Variants in APC2 observed in about 807,000 individuals in gnomAD.
APC2 encodes the protein adenomatous polyposis coli protein 2.
In APC2, 41 loss-of-function variants were observed where a neutral mutation model predicts 72.5. The observed-to-expected ratio is 0.57, with a 90% confidence interval of 0.44 to 0.73. APC2 has a LOEUF of 0.73. Ranked by LOEUF, APC2 falls within the 30% of genes least tolerant of loss-of-function variation. The pLI, the probability that APC2 is intolerant of heterozygous loss-of-function variation, is 0.00. For missense variants in APC2, 3,729 were observed against 3,403.4 expected (o/e 1.10, Z -2.38); for synonymous variants, 1,898 against 1,612.0 (o/e 1.18, Z -4.25).
At position 1,467,397 on chromosome 19, in the gene APC2, C is replaced by T. The variant is rs1361316073; in HGVS notation, c.4096C>T (p.Arg1366Cys). 6.7e-7 allele frequency: 1 copy of T among 1,488,168 alleles called. No homozygotes were observed. Among genetic ancestry groups the T allele is most frequent in the Admixed American group, 2.2e-5 (1 of 46,044 alleles). 92.2% of individuals were successfully genotyped at this position (1,488,168 alleles called of 1,614,324 possible). Residue 1366 changes from arginine to cysteine, a missense_variant, in exon 15 of 15, where the codon CGC becomes TGC. Arg to Cys is a radical substitution (Grantham distance 180). Transcript: ENST00000590469. ...GGTGGCCTCCGCGCTGGTGCCAGGT[C>T]GCCGCGCACTCCCCGTGCCCGTCTA... ...RKVASALVPG[R>C]RALPVPVYML...
rs2145236458 is a variant in APC2, at chr19:1,466,342, A to G, written c.3041A>G (p.Glu1014Gly). The change falls in exon 15 of 15, where the codon GAG becomes GGG. Residue 1014 changes from glutamate to glycine, a missense_variant. By Grantham distance (98) the Glu-to-Gly change is moderately conservative. Transcript: ENST00000590469. Reference sequence around the variant, plus strand: ...GAGGGTGCCTCAAGGGCGGGTGCAGAGCCCCTCGCGGGGCCTGGAATCTCT... The same window carrying G: ...GAGGGTGCCTCAAGGGCGGGTGCAGGGCCCCTCGCGGGGCCTGGAATCTCT... ...LLEGASRAGA[E>G]PLAGPGISPG... The G allele has an allele frequency of 6.4e-7, 1 of 1,558,926 alleles. No homozygotes were observed. The highest frequency in any genetic ancestry group is 2.3e-5 in the East Asian group (1 of 44,184).
upstream of APC2, among the ~76,000 whole-genome samples, chr19:1,448,032 C>A (rs1447251853): frequency 5.3e-5 from 8 of 152,156 alleles, no homozygotes; most frequent in Admixed American, 1.3e-4. Context: ...AGACTGGAAA[C>A]CGAGGCCAGA....
In APC2 at chr19:1,470,117, C is replaced by A. The variant is rs772580550; in HGVS notation, c.6816C>A (p.Pro2272=). ...GSPSRSARVP[P]FNYVPSPMVV... is the part of the protein sequence containing the mutation. ...CCAGCCGCTCGGCCCGAGTACCCCCCTTCAACTATGTGCCCAGCCCCATGG... is the reference window on the plus strand; with the variant it reads ...CCAGCCGCTCGGCCCGAGTACCCCCATTCAACTATGTGCCCAGCCCCATGG... The change falls in exon 15 of 15, where the codon CCC becomes CCA. Residue 2272 remains proline, a synonymous_variant. Transcript: ENST00000590469. 4 of 1,606,880 alleles carry A rather than the reference C, an allele frequency of 2.5e-6. No individual in the cohort carries two copies. The East Asian group carries it at 8.9e-5, about 36-fold the overall frequency.
chr19:1,450,215 G>GACCCCGGAGCCCGCGCGCTCCGAGGCC lies in APC2; in HGVS notation c.-134_-108dup, dbSNP rs2083727059. On this transcript the variant is annotated 5_prime_UTR_variant, in exon 1 of 15. Transcript: ENST00000590469. The stretch of plus-strand genomic sequence containing the variant: ...CCGGAGCCCCTGCCCGCGCCGCGGA[G>GACCCCGGAGCCCGCGCGCTCCGAGGCC]ACCCCGGAGCCCGCGCGCTCCGAGG... 2 of 985,212 alleles carry GACCCCGGAGCCCGCGCGCTCCGAGGCC rather than the reference G, an allele frequency of 2.0e-6. No homozygotes were observed. The highest frequency in any genetic ancestry group is 3.5e-5 in the African/African-American group (2 of 57,208). 61.0% of individuals were successfully genotyped at this position (985,212 alleles called of 1,614,324 possible).
rs755099635 is a variant in APC2 at position 1,469,023 on chromosome 19, G to C, written c.5722G>C (p.Val1908Leu). ...CCTGCCCGGCCCCGGAGCCTCCCCG[G>C]TGCCCAAAACGCCGGCGCGCACCCT... is the stretch of plus-strand genomic sequence containing the variant. ...GALPGPGASP[V>L]PKTPARTLLA... The change falls in exon 15 of 15, where the codon GTG becomes CTG. Residue 1908 changes from valine to leucine, a missense_variant. Physicochemically the swap from Val to Leu is conservative, Grantham distance 32. Coordinates refer to ENST00000590469, the MANE Select transcript of APC2 (RefSeq NM_005883.3). 47 of 1,548,200 alleles carry C rather than the reference G, an allele frequency of 3.0e-5. No homozygotes were observed. The African/African-American group carries it at 6.0e-4, about 20-fold the overall frequency.
chr19:1,462,928 G>C (rs2145221135), intron 14 of APC2, among the ~76,000 whole-genome samples: 1 of 149,254 alleles, frequency 6.7e-6, no homozygotes, highest in South Asian at 2.1e-4. Context: ...CTGAGATTGT[G>C]CCACTGCACT....
Position 1,467,388 on chromosome 19 carries a change from G to C in APC2, c.4087G>C (p.Val1363Leu). ...GCTGCGCAAGGTGGCCTCCGCGCTGGTGCCAGGTCGCCGCGCACTCCCCGT... is the reference window on the plus strand; with the variant it reads ...GCTGCGCAAGGTGGCCTCCGCGCTGCTGCCAGGTCGCCGCGCACTCCCCGT... ...ARLRKVASAL[V>L]PGRRALPVPV... Residue 1363 changes from valine (V) to leucine (L), a missense_variant, in exon 15 of 15, where the codon GTG (valine) becomes CTG (leucine). Physicochemically the swap from Val to Leu is conservative, Grantham distance 32. Transcript: ENST00000590469. 6.7e-7 allele frequency: 1 copy of C among 1,487,352 alleles called. No homozygotes were observed. Among genetic ancestry groups the C allele is most frequent in the East Asian group, 2.8e-5 (1 of 35,240 alleles). The allele number at this position is 1,487,352 out of a possible 1,614,324, so 92.1% of individuals were successfully genotyped here.
upstream of APC2, among the ~76,000 whole-genome samples, chr19:1,448,162 A>G (rs1038715384): frequency 3.3e-5 from 5 of 151,838 alleles, no homozygotes; most frequent in Non-Finnish European, 7.4e-5. Context: ...GACCTGTCAA[A>G]CCCCACCACG....
rs747328024 is a variant in APC2 at position 1,467,880 on chromosome 19, C to T, written c.4579C>T (p.His1527Tyr). The change falls in exon 15 of 15, where the codon CAC becomes TAC. Residue 1527 changes from histidine to tyrosine, a missense_variant. Coordinates refer to ENST00000590469, the MANE Select transcript of APC2 (RefSeq NM_005883.3). ...CCCGGCGGCCGCGCCCACGCCAACCCACCGGCGCACATCGGCCATCCCTCG... is the reference window on the plus strand; with the variant it reads ...CCCGGCGGCCGCGCCCACGCCAACCTACCGGCGCACATCGGCCATCCCTCG... ...EPPAAAPTPT[H>Y]RRTSAIPRAF... 1 of 1,576,304 alleles carries T rather than the reference C, an allele frequency of 6.3e-7. No homozygotes were observed. Among genetic ancestry groups the T allele is most frequent in the South Asian group, 1.1e-5 (1 of 88,236 alleles).
Position 1,456,317 on chromosome 19 carries a change from G to T in APC2, c.729G>T (p.Ala243=), listed in dbSNP as rs138830892. ...TGCTCTCCCTGCAGGCCTTGCTGGC[G>T]GTGAAGTCGGTGCCGGTGGACGAGG... ...VQQTEPQALL[A]VKSVPVDEDP... The change falls in exon 8 of 15, where the codon GCG becomes GCT. Residue 243 remains alanine, a synonymous_variant. Coordinates refer to ENST00000590469, the MANE Select transcript of APC2 (RefSeq NM_005883.3). 2 of 1,608,020 alleles carry T rather than the reference G, an allele frequency of 1.2e-6. No individual in the cohort carries two copies. Among genetic ancestry groups the T allele is most frequent in the East Asian group, 2.2e-5 (1 of 44,668 alleles).
chr19:1,465,980 G>A lies in APC2; in HGVS notation c.2679G>A (p.Ser893=), dbSNP rs184769239. 28 of 1,530,560 alleles carry A rather than the reference G, an allele frequency of 1.8e-5. No homozygotes were observed. The East Asian group carries it at 6.4e-4, about 35-fold the overall frequency. The allele number at this position is 1,530,560 out of a possible 1,614,324, so 94.8% of individuals were successfully genotyped here. The part of the protein sequence containing the change: ...APREGRAQSC[S]PCRGPEGGRR... ...GGGAGGGCCGCGCCCAGTCCTGCTCGCCATGCCGCGGCCCGGAGGGCGGGC... is the reference window on the plus strand; with the variant it reads ...GGGAGGGCCGCGCCCAGTCCTGCTCACCATGCCGCGGCCCGGAGGGCGGGC... The change falls in exon 15 of 15, where the codon TCG becomes TCA. Residue 893 remains serine, a synonymous_variant. Coordinates refer to ENST00000590469, the MANE Select transcript of APC2 (RefSeq NM_005883.3).
chr19:1,453,726 C>T, intron 4 of APC2, 115 bp downstream of exon 4: 1 of 1,343,012 alleles, frequency 7.4e-7, no homozygotes, highest in Non-Finnish European at 1.0e-6. Context: ...TCACACGCCC[C>T]ACCCACTTGC....
Position 1,465,448 on chromosome 19 carries a change from C to CCAGCCTGTACGTGCG in APC2, c.2150_2164dup (p.Ser717_Arg721dup). The CCAGCCTGTACGTGCG allele has an allele frequency of 6.5e-7, 1 of 1,537,832 alleles. No homozygotes were observed. The highest frequency in any genetic ancestry group is 8.7e-7 in the Non-Finnish European group (1 of 1,147,988). Reference sequence around the variant, plus strand: ...GCCGTGTCCCCAGGCAGCTGCGTGCCCAGCCTGTACGTGCGCAAGCAGCGG... The same window carrying CCAGCCTGTACGTGCG: ...GCCGTGTCCCCAGGCAGCTGCGTGCCCAGCCTGTACGTGCGCAGCCTGTACGTGCGCAAGCAGCGG... On this transcript the variant is annotated inframe_insertion, in exon 15 of 15. Transcript: ENST00000590469.
rs368162991 is a variant in APC2, at chr19:1,468,595, C to T, written c.5294C>T (p.Pro1765Leu). The T allele has an allele frequency of 6.2e-7, 1 of 1,600,672 alleles. No homozygotes were observed. The highest frequency in any genetic ancestry group is 1.3e-5 in the African/African-American group (1 of 74,724). The change falls in exon 15 of 15, where the codon CCC becomes CTC. Residue 1765 changes from proline to leucine, a missense_variant. Coordinates refer to ENST00000590469, the MANE Select transcript of APC2 (RefSeq NM_005883.3). The stretch of plus-strand genomic sequence containing the variant: ...GCCTCAGTCAAGACCAGCGGGAGCC[C>T]CCGTTCCCCTGCAGGCCCCGAGAAG... The part of the protein sequence containing the change: ...GAASVKTSGS[P>L]RSPAGPEKPR...
chr19:1,456,131 G>C lies in APC2; in HGVS notation c.695G>C (p.Arg232Pro), dbSNP rs1316022213. ...AAGGAGCTGCTGGAGGCGCAGGACC[G>C]AGTGCAGCAGACGGAGCCCCAGGTA... is the stretch of plus-strand genomic sequence containing the variant. ...IDKELLEAQD[R>P]VQQTEPQALL... Residue 232 changes from arginine to proline, a missense_variant, in exon 7 of 15, where the codon CGA becomes CCA. Arg to Pro is a moderately radical substitution (Grantham distance 103). Coordinates refer to ENST00000590469, the MANE Select transcript of APC2 (RefSeq NM_005883.3). 2 of 1,591,830 alleles carry C rather than the reference G, an allele frequency of 1.3e-6. No individual in the cohort carries two copies. The highest frequency in any genetic ancestry group is 1.1e-5 in the South Asian group (1 of 88,240).
At chr19:1,461,256 A>G in intron 13 of APC2, 103 bp downstream of exon 13, 3 of 991,142 alleles carry the variant, frequency 3.0e-6, no homozygotes, top group Non-Finnish European at 4.7e-6. Flanking sequence ...CAAGTTGAAC[A>G]GCTCACTGCT....
Position 1,468,438 on chromosome 19 carries a change from G to C in APC2, c.5137G>C (p.Glu1713Gln). 1 of 1,593,354 alleles carries C rather than the reference G, an allele frequency of 6.3e-7. No homozygotes were observed. Among genetic ancestry groups the C allele is most frequent in the Non-Finnish European group, 8.5e-7 (1 of 1,171,310 alleles). The change falls in exon 15 of 15, where the codon GAG becomes CAG. Residue 1713 changes from glutamate to glutamine, a missense_variant. Transcript: ENST00000590469. ...AAAATREASS[E>Q]SDSILSFVSG... The stretch of plus-strand genomic sequence containing the variant: ...AGCTGCCACGCGGGAGGCCTCGTCC[G>C]AGTCCGACTCCATCCTGTCCTTCGT...
In APC2 at chr19:1,457,161, G is replaced by A. The variant is rs763557300; in HGVS notation, c.1125G>A (p.Glu375=). 26 of 1,584,552 alleles carry A rather than the reference G, an allele frequency of 1.6e-5. No individual in the cohort carries two copies. The Admixed American group carries it at 4.3e-4, about 26-fold the overall frequency. Residue 375 remains glutamate, a synonymous_variant, in exon 9 of 15, where the codon GAG becomes GAA. Coordinates refer to ENST00000590469, the MANE Select transcript of APC2 (RefSeq NM_005883.3). ...RKEMRVLHVL[E]QIRAYCETCW... ...AGATGCGCGTCCTGCACGTGCTGGA[G>A]CAGATCCGGGCCTACTGCGAGACCT...
Position 1,469,707 on chromosome 19 carries a change from C to T in APC2, c.6406C>T (p.Leu2136Phe). Residue 2136 changes from leucine (L) to phenylalanine (F), a missense_variant, in exon 15 of 15, where the codon CTC becomes TTC. Leu to Phe is a conservative substitution (Grantham distance 22). Transcript: ENST00000590469. Reference sequence around the variant, plus strand: ...CAGCAGCGACGGGGAGCCCCGGCCGCTCCCCAGGGTGGCCGCGCCGGGCAC... The same window carrying T: ...CAGCAGCGACGGGGAGCCCCGGCCGTTCCCCAGGGTGGCCGCGCCGGGCAC... ...RRSSDGEPRP[L>F]PRVAAPGTTW... The T allele has an allele frequency of 4.3e-6, 6 of 1,400,192 alleles. No homozygotes were observed. In the South Asian group the frequency reaches 9.1e-5, roughly 21 times the overall value. The allele number at this position is 1,400,192 out of a possible 1,614,324, so 86.7% of individuals were successfully genotyped here.
Sources: gnomAD v4.1 joint callset for allele counts (sites outside exome capture counted in the v4.1 genomes callset) on GRCh38, gnomAD v4.1.1 for gene constraint, MANE v1.5 for transcripts, NCBI Gene and HGNC (gene_info 2026-07-23, HGNC 2026-07-21) for gene names.